PXYLP1: variants seen among roughly 807,000 people sequenced by gnomAD.
PXYLP1 encodes the protein acid phosphatase-like 2.
Under a neutral mutation model 37.9 loss-of-function variants are expected in PXYLP1, and 17 were observed. The observed-to-expected ratio is 0.45, with a 90% CI of 0.31 to 0.67. PXYLP1 has a LOEUF of 0.67. PXYLP1 is among the 30% of genes least tolerant of loss of function. The probability of loss-of-function intolerance (pLI) is 0.07; values close to 1 mark genes in which losing one functional copy is unlikely to be tolerated. For synonymous variants in PXYLP1, 221 were observed against 232.2 expected, an observed-to-expected ratio of 0.95 and a Z score of 0.44; for missense variants, 511 against 612.0, an observed-to-expected ratio of 0.84 and a Z score of 1.74.
At chr3:141,276,634 C>T (rs188282422) in intron 2 of PXYLP1, among the ~76,000 whole-genome samples, 3 of 152,112 alleles carry the variant, frequency 2.0e-5, no homozygotes, top group East Asian at 3.9e-4. Flanking sequence ...CATTTTTGTG[C>T]GTGGGCATCG....
At chr3:141,280,178 C>G (rs975917333) in intron 4 of PXYLP1, among the ~76,000 whole-genome samples, 5 of 152,230 alleles carry the variant, frequency 3.3e-5, no homozygotes, top group African/African-American at 1.2e-4. Flanking sequence ...AGGCACATAA[C>G]ATTCTAGCAG....
At chr3:141,264,773 C>T (rs1461338217) in intron 2 of PXYLP1, among the ~76,000 whole-genome samples, 1 of 152,224 alleles carries the variant, frequency 6.6e-6, no homozygotes, top group Non-Finnish European at 1.5e-5. Flanking sequence ...CTTCTTTACC[C>T]TCTCTGTGCC....
rs115790782 is a variant in PXYLP1 at position 141,290,730 on chromosome 3, G to C, written c.506-1538G>C. On this transcript the variant is annotated intron_variant, in intron 5 of 5. Transcript: ENST00000286353. ...AAAATTAGGACCAGATGGGGTCTTG[G>C]GTTTTAGCTCTGCCACTTTTTAACT... 6.4e-3 allele frequency among the ~76,000 whole-genome samples: 974 copies of C among 152,272 alleles called. 11 individuals are homozygous for C. The highest frequency in any genetic ancestry group is 0.023 in the African/African-American group (937 of 41,540).
intron 4 of PXYLP1, among the ~76,000 whole-genome samples, chr3:141,285,030 G>A (rs1308409252): frequency 1.3e-5 from 2 of 152,174 alleles, no homozygotes; most frequent in Non-Finnish European, 2.9e-5. Flanking sequence ...CAGTGGACCA[G>A]GCAGACAAGG....
intron 1 of PXYLP1, among the ~76,000 whole-genome samples, chr3:141,237,053 C>G (rs1308686558): frequency 6.6e-6 from 1 of 152,154 alleles, no homozygotes; most frequent in Non-Finnish European, 1.5e-5. Flanking sequence ...CTGCGATCTG[C>G]TTAGAGATGG....
chr3:141,293,003 C>T lies in PXYLP1; in HGVS notation c.1241C>T (p.Pro414Leu). The change falls in exon 6 of 6, where the codon CCC becomes CTC. Residue 414 changes from proline (P) to leucine (L), a missense_variant. Transcript: ENST00000286353. Reference protein sequence around the residue: ...IFELWQDREKPSEHSVRILYN... With the variant: ...IFELWQDREKLSEHSVRILYN... ...GAGCTTTGGCAAGACAGAGAAAAGC[C>T]CAGTGAACATTCCGTCCGGATTCTT... 2 of 1,614,164 alleles carry T rather than the reference C, an allele frequency of 1.2e-6. No homozygotes were observed. The highest frequency in any genetic ancestry group is 1.7e-6 in the Non-Finnish European group (2 of 1,180,024).
intron 4 of PXYLP1, among the ~76,000 whole-genome samples, chr3:141,285,548 A>T (rs1157126254): frequency 6.6e-6 from 1 of 152,224 alleles, no homozygotes. Context: ...AATAAAAAAC[A>T]TTGGAATGAA....
intron 5 of PXYLP1, among the ~76,000 whole-genome samples, chr3:141,288,227 T>C (rs141469107): frequency 1.3e-5 from 2 of 152,364 alleles, no homozygotes; most frequent in African/African-American, 2.4e-5. Context: ...ATCTGGAACC[T>C]CAGAGGACCT....
intron 1 of PXYLP1, among the ~76,000 whole-genome samples, chr3:141,253,496 C>A (rs113250922): frequency 6.6e-6 from 1 of 152,244 alleles, no homozygotes; most frequent in East Asian, 1.9e-4. Flanking sequence ...CACAGATGCA[C>A]CAACACCAAT....
At chr3:141,278,039 T>A (rs1559893027) in intron 2 of PXYLP1, among the ~76,000 whole-genome samples, 1 of 152,192 alleles carries the variant, frequency 6.6e-6, no homozygotes, top group East Asian at 1.9e-4. Context: ...GGTAATCAGG[T>A]CCTAAGAAGT....
At chr3:141,243,656 TTGTC>T (rs1399087881) in intron 1 of PXYLP1, among the ~76,000 whole-genome samples, 18 of 152,202 alleles carry the variant, frequency 1.2e-4, no homozygotes, top group Admixed American at 4.6e-4. Context: ...CCTGTAGCCT[TTGTC>T]TGTCTGTACG....
chr3:141,257,435 C>A (rs908703478), intron 1 of PXYLP1, among the ~76,000 whole-genome samples: 10 of 151,992 alleles, frequency 6.6e-5, no homozygotes, highest in African/African-American at 2.4e-4. Context: ...TTGGCCAAGC[C>A]AAAAGTCAAT....
At chr3:141,248,023 G>GTTTTTTTTTT (rs55888415) in intron 1 of PXYLP1, among the ~76,000 whole-genome samples, 1 of 122,900 alleles carries the variant, frequency 8.1e-6, no homozygotes, top group Non-Finnish European at 1.6e-5. Context: ...TTTTTGTTTT[G>GTTTTTTTTTT]TTTTTTTTTT....
At chr3:141,269,609 G>A (rs1036607136) in intron 2 of PXYLP1, among the ~76,000 whole-genome samples, 5 of 152,138 alleles carry the variant, frequency 3.3e-5, no homozygotes, top group Non-Finnish European at 1.5e-5. Context: ...CAGGGGTCTT[G>A]TAAACCCCCA....
chr3:141,236,755 A>G (rs1247351313), intron 1 of PXYLP1, among the ~76,000 whole-genome samples: 1 of 152,258 alleles, frequency 6.6e-6, no homozygotes, highest in African/African-American at 2.4e-5. Context: ...CTAAAATGAA[A>G]GTGGCAGTTG....
intron 2 of PXYLP1, chr3:141,262,682 A>G (rs1452691998): frequency 1.3e-6 from 2 of 1,533,716 alleles, no homozygotes; most frequent in African/African-American, 2.7e-5. Flanking sequence ...TGGAGATCGG[A>G]AAGATATTAA....
At chr3:141,272,953 A>G in intron 2 of PXYLP1, 1 of 977,266 alleles carries the variant, frequency 1.0e-6, no homozygotes, top group Non-Finnish European at 1.2e-6. Context: ...AACCCAATCA[A>G]GTGGACACCC....
At chr3:141,260,681 C>T (rs1373525051) in intron 2 of PXYLP1, among the ~76,000 whole-genome samples, 1 of 152,150 alleles carries the variant, frequency 6.6e-6, no homozygotes, top group African/African-American at 2.4e-5. Flanking sequence ...ATCAAACCCA[C>T]CCCCCAGGCA....
intron 4 of PXYLP1, among the ~76,000 whole-genome samples, chr3:141,285,770 C>T (rs11717615): frequency 0.13 from 19,745 of 152,182 alleles, 1,634 homozygotes; most frequent in African/African-American, 0.24. Context: ...TTGGCAGCCT[C>T]ATTGTCAGTC....
Sources: allele counts gnomAD v4.1 joint callset (sites outside exome capture counted in the v4.1 genomes callset), GRCh38; gene constraint gnomAD v4.1.1; transcripts MANE v1.5; gene names NCBI Gene and HGNC (gene_info 2026-07-23, HGNC 2026-07-21).